Variants in USP25 observed in about 807,000 individuals in gnomAD.
The protein encoded by USP25 is ubiquitin specific peptidase 25, also known as ubiquitin carboxyl-terminal hydrolase 25.
In USP25, 85 loss-of-function variants were observed where a neutral mutation model predicts 158.5. The ratio of observed to expected loss-of-function variants is 0.54; its 90% CI spans 0.45 to 0.64. The LOEUF (loss-of-function observed/expected upper bound fraction) is 0.64, where lower values mean the gene tolerates loss of function less well. Ranked by LOEUF, USP25 falls within the 30% of genes least tolerant of loss-of-function variation. USP25 has a pLI of 0.00. For missense variants in USP25, 1,242 were observed against 1,327.3 expected (o/e 0.94, Z 1.00); for synonymous variants, 464 against 460.4 (o/e 1.01, Z -0.10).
At chr21:15,850,287 C>G (rs2038826155) in intron 20 of USP25, among the ~76,000 whole-genome samples, 1 of 151,768 alleles carries the variant, frequency 6.6e-6, no homozygotes, top group Non-Finnish European at 1.5e-5. Context: ...TCATTAGGTA[C>G]TAAATTGCTT....
rs1318568088 is a variant in USP25 at position 15,787,900 on chromosome 21, T to TCCCCC, written c.393-3601_393-3600insCCCCC. On this transcript the variant is annotated intron_variant, in intron 4 of 25. Transcript: ENST00000400183. Reference sequence around the variant, plus strand: ...AAAACAATAAAATAATAACACCCCCTCACCCCCCCCCCAAGTAAAACCACC... The same window carrying TCCCCC: ...AAAACAATAAAATAATAACACCCCCTCCCCCCACCCCCCCCCCAAGTAAAACCACC... 4.3e-3 allele frequency among the ~76,000 whole-genome samples: 302 copies of TCCCCC among 69,726 alleles called. 1 individual carries two copies. The highest frequency in any genetic ancestry group is 6.7e-3 in the Non-Finnish European group (232 of 34,530). The allele number at this position is 69,726 out of a possible 152,430, so 45.7% of individuals were successfully genotyped here. A position where few individuals can be genotyped will look rare whatever the true frequency, so the allele number is the denominator to read the frequency against.
intron 4 of USP25, among the ~76,000 whole-genome samples, chr21:15,783,208 G>GAA (rs59237764): frequency 0.078 from 11,072 of 141,976 alleles, 473 homozygotes; most frequent in East Asian, 0.099. Flanking sequence ...TTCAGAAGAA[G>GAA]AAAAAAAAAA....
chr21:15,774,719 A>G (rs2034539900), intron 3 of USP25, among the ~76,000 whole-genome samples: 1 of 152,210 alleles, frequency 6.6e-6, no homozygotes, highest in Non-Finnish European at 1.5e-5. Flanking sequence ...TTGAGGTTTA[A>G]TAAAATTAGG....
At chr21:15,790,669 G>A (rs78568107) in intron 4 of USP25, among the ~76,000 whole-genome samples, 5 of 135,448 alleles carry the variant, frequency 3.7e-5, no homozygotes, top group African/African-American at 1.4e-4. Context: ...TTTTTTTTTG[G>A]CTGAAGCCAA....
At chr21:15,867,665 T>G (rs1422222650) in intron 22 of USP25, among the ~76,000 whole-genome samples, 1 of 152,148 alleles carries the variant, frequency 6.6e-6, no homozygotes, top group Non-Finnish European at 1.5e-5. Context: ...GTAAGACAGC[T>G]TTGCAGCATG....
At position 15,790,419 on chromosome 21, in the gene USP25, TC is replaced by T. The variant is rs199523596; in HGVS notation, c.393-1082del. ...CATGGATATTTTAGATTTCCTTGTA[TC>T]TAATGTCTTGTGGTAAATATTGCTG... On this transcript the variant is annotated intron_variant, in intron 4 of 25. Coordinates refer to ENST00000400183, the MANE Select transcript of USP25 (RefSeq NM_001283041.3). Among the ~76,000 whole-genome samples, 25 of 152,176 alleles carry T rather than the reference TC, an allele frequency of 1.6e-4. No homozygotes were observed. The East Asian group carries it at 4.4e-3, about 27-fold the overall frequency.
chr21:15,818,870 C>T, intron 10 of USP25, 24 bp downstream of exon 10: 1 of 1,610,638 alleles, frequency 6.2e-7, no homozygotes, highest in South Asian at 1.1e-5. Flanking sequence ...TTTCATTGTC[C>T]CCTTTCTTCC....
chr21:15,804,356 A>T (rs2146266291), intron 6 of USP25, among the ~76,000 whole-genome samples: 1 of 151,586 alleles, frequency 6.6e-6, no homozygotes, highest in Middle Eastern at 3.4e-3. Flanking sequence ...TCCTATTAGG[A>T]TCTGGTCTAA....
intron 20 of USP25, 96 bp from the exon 21 acceptor site, chr21:15,864,172 A>AT: frequency 7.9e-7 from 1 of 1,270,588 alleles, no homozygotes; most frequent in Non-Finnish European, 1.1e-6. Flanking sequence ...AAAAAAAAAA[A>AT]GATTTAAATG....
chr21:15,823,901 T>C (rs1225800688), intron 10 of USP25, 138 bp from the exon 11 acceptor site: 3 of 799,916 alleles, frequency 3.8e-6, no homozygotes, highest in African/African-American at 3.6e-5. Context: ...TTAACTAAAC[T>C]GTGTACCCAG....
intron 17 of USP25, among the ~76,000 whole-genome samples, chr21:15,835,120 G>A (rs1333079911): frequency 6.6e-6 from 1 of 152,120 alleles, no homozygotes; most frequent in East Asian, 1.9e-4. Context: ...ATTCACATGT[G>A]ACTATTCTTG....
rs1026776386 is a variant in USP25, at chr21:15,875,249, C to T, written c.3009+723C>T. 3.3e-5 allele frequency among the ~76,000 whole-genome samples: 5 copies of T among 152,062 alleles called. No individual in the cohort carries two copies. Among genetic ancestry groups the T allele is most frequent in the African/African-American group, 7.2e-5 (3 of 41,406 alleles). On this transcript the variant is annotated intron_variant, in intron 24 of 25. Coordinates refer to ENST00000400183, the MANE Select transcript of USP25 (RefSeq NM_001283041.3). This position sits in a 1 kb window ranked among gnomAD's most constrained non-coding sequence, Gnocchi z 4.7. ...ACTTAAAAAATTGAATTTTCAGGTA[C>T]AAGAATAGTATAGCTGACTTTAAAC...
chr21:15,745,902 T>A (rs1237103616), intron 1 of USP25, among the ~76,000 whole-genome samples: 1 of 152,254 alleles, frequency 6.6e-6, no homozygotes, highest in Non-Finnish European at 1.5e-5. Flanking sequence ...GAGGTGTCAC[T>A]AAGTCAAGGT....
At chr21:15,818,002 G>T (rs761846936) in intron 9 of USP25, among the ~76,000 whole-genome samples, 13 of 152,166 alleles carry the variant, frequency 8.5e-5, no homozygotes, top group Non-Finnish European at 1.9e-4. Flanking sequence ...CTCTCCCTTG[G>T]TTCCCCAAGC....
At chr21:15,787,731 C>CT (rs569831264) in intron 4 of USP25, among the ~76,000 whole-genome samples, 5 of 150,664 alleles carry the variant, frequency 3.3e-5, no homozygotes, top group East Asian at 1.9e-4. Context: ...CCGCCGCCCC[C>CT]TTTTTTTTTC....
At position 15,807,900 on chromosome 21, in the gene USP25, C is replaced by T. The variant is rs571890224; in HGVS notation, c.781-909C>T. 7.7e-4 allele frequency among the ~76,000 whole-genome samples: 117 copies of T among 152,260 alleles called. 1 individual carries two copies. Among genetic ancestry groups the T allele is most frequent in the African/African-American group, 2.5e-3 (104 of 41,554 alleles). Reference sequence around the variant, plus strand: ...ATGAATGTTTACAGCTGGATTTTTGCGTTGCGTTTAGTCCTATTTAACTCT... The same window carrying T: ...ATGAATGTTTACAGCTGGATTTTTGTGTTGCGTTTAGTCCTATTTAACTCT... On this transcript the variant is annotated intron_variant, in intron 7 of 25. Coordinates refer to ENST00000400183, the MANE Select transcript of USP25 (RefSeq NM_001283041.3).
chr21:15,833,225 A>T, intron 16 of USP25, 123 bp from the exon 17 acceptor site: 1 of 878,412 alleles, frequency 1.1e-6, no homozygotes, highest in South Asian at 2.0e-5. Flanking sequence ...TTCTTAAGTA[A>T]TATGATTGGC....
intron 14 of USP25, among the ~76,000 whole-genome samples, chr21:15,829,033 G>A (rs1258734720): frequency 6.6e-6 from 1 of 152,098 alleles, no homozygotes; most frequent in Non-Finnish European, 1.5e-5. Context: ...TTAGCAGTTA[G>A]CATTATTTTG....
rs1370398584 is a variant in USP25 at position 15,824,132 on chromosome 21, A to C, written c.1174A>C (p.Lys392Gln). 5 of 1,613,368 alleles carry C rather than the reference A, an allele frequency of 3.1e-6. No individual in the cohort carries two copies. The Admixed American group carries it at 8.3e-5, about 27-fold the overall frequency. ...GGGAAGACCAGAAAAAATTCACAAC[A>C]AATTAGAATTTCCCCAAGTTTTATA... is the stretch of plus-strand genomic sequence containing the variant. ...ALGRPEKIHN[K>Q]LEFPQVLYLD... The change falls in exon 11 of 26, where the codon AAA becomes CAA. Residue 392 changes from lysine (K) to glutamine (Q), a missense_variant. Lys to Gln is a moderately conservative substitution (Grantham distance 53, BLOSUM62 1). Around this residue, in one of 3 missense-constraint regions of USP25, gnomAD observed 627 missense variants for 701.4 expected, o/e 0.89. Transcript: ENST00000400183.
Sources: allele counts gnomAD v4.1 joint callset (sites outside exome capture counted in the v4.1 genomes callset), GRCh38; gene constraint gnomAD v4.1.1; regional missense constraint gnomAD v4.1.1; non-coding constraint Gnocchi (gnomAD v3.1); transcripts MANE v1.5; gene names NCBI Gene and HGNC (gene_info 2026-07-23, HGNC 2026-07-21).